Variants in RAPGEF5 observed in about 807,000 individuals in gnomAD.
The protein encoded by RAPGEF5 is M-Ras-regulated GEF.
Under a neutral mutation model 125.2 loss-of-function variants are expected in RAPGEF5, and 65 were observed. That is an observed-to-expected ratio of 0.52 (90% CI 0.43 to 0.64). The LOEUF (loss-of-function observed/expected upper bound fraction) is 0.64, where lower values mean the gene tolerates loss of function less well. Among genes scored for constraint, RAPGEF5 ranks in the 30% least tolerant of loss-of-function variants. The pLI is 0.00. For missense variants in RAPGEF5, 958 were observed against 1,048.1 expected, an observed-to-expected ratio of 0.91 and a Z score of 1.19; for synonymous variants, 391 against 385.9, an observed-to-expected ratio of 1.01 and a Z score of -0.16.
chr7:22,293,591 C>G (rs1490365220), intron 5 of RAPGEF5, among the ~76,000 whole-genome samples: 1 of 152,172 alleles, frequency 6.6e-6, no homozygotes, highest in East Asian at 1.9e-4. Context: ...CAGATCTGGT[C>G]CTGCTCTTCT....
At chr7:22,356,321 AAG>A in intron 1 of RAPGEF5, 1 of 919,044 alleles carries the variant, frequency 1.1e-6, no homozygotes, top group Non-Finnish European at 1.3e-6. Context: ...AAGCTCACCC[AAG>A]AGCTTCCGAC....
intron 11 of RAPGEF5, among the ~76,000 whole-genome samples, chr7:22,175,509 G>A (rs1784475680): frequency 6.6e-6 from 1 of 152,150 alleles, no homozygotes; most frequent in African/African-American, 2.4e-5. Flanking sequence ...TAACTGTACA[G>A]ATTAGAATGT....
intron 6 of RAPGEF5, among the ~76,000 whole-genome samples, chr7:22,282,122 C>A (rs909572012): frequency 6.6e-6 from 1 of 152,170 alleles, no homozygotes; most frequent in Non-Finnish European, 1.5e-5. Flanking sequence ...CCCTCTCCAG[C>A]GGACCTATTT....
At chr7:22,297,061 G>C (rs1441926118) in intron 5 of RAPGEF5, among the ~76,000 whole-genome samples, 1 of 152,192 alleles carries the variant, frequency 6.6e-6, no homozygotes, top group Non-Finnish European at 1.5e-5. Flanking sequence ...GGTAGAGAAA[G>C]TAACCATAAA....
intron 6 of RAPGEF5, among the ~76,000 whole-genome samples, chr7:22,273,742 T>C (rs919654966): frequency 6.6e-6 from 1 of 152,216 alleles, no homozygotes; most frequent in East Asian, 1.9e-4. Flanking sequence ...AAAGATCTGA[T>C]AGTTGAGTAC....
At chr7:22,330,927 A>G (rs1001679549) in intron 1 of RAPGEF5, among the ~76,000 whole-genome samples, 2 of 152,204 alleles carry the variant, frequency 1.3e-5, no homozygotes, top group Non-Finnish European at 2.9e-5. Flanking sequence ...TAAACCGCAT[A>G]TCAATTTTTA....
chr7:22,241,186 T>C (rs1786321453), intron 7 of RAPGEF5, among the ~76,000 whole-genome samples: 1 of 152,258 alleles, frequency 6.6e-6, no homozygotes, highest in Non-Finnish European at 1.5e-5. Flanking sequence ...TGCAGACATC[T>C]ACATTTTAAA....
chr7:22,300,482 T>C (rs976340758), intron 5 of RAPGEF5, among the ~76,000 whole-genome samples: 2 of 152,212 alleles, frequency 1.3e-5, no homozygotes, highest in Non-Finnish European at 1.5e-5. Context: ...ATTTTCCTGA[T>C]TATTTTGTGT....
chr7:22,296,762 A>G (rs1783071967), intron 5 of RAPGEF5, among the ~76,000 whole-genome samples: 1 of 152,184 alleles, frequency 6.6e-6, no homozygotes. Flanking sequence ...ACTGAAACAC[A>G]GTTAATACAA....
chr7:22,220,117 AAAAT>A (rs1240242026), intron 8 of RAPGEF5, 126 bp from the exon 9 acceptor site: 2 of 1,273,732 alleles, frequency 1.6e-6, no homozygotes, highest in Middle Eastern at 3.8e-4. Flanking sequence ...TGGTCTTGGT[AAAAT>A]ATTTTGCCTT....
At chr7:22,285,678 C>T (rs552454060) in intron 6 of RAPGEF5, among the ~76,000 whole-genome samples, 52 of 152,256 alleles carry the variant, frequency 3.4e-4, no homozygotes, top group Admixed American at 7.2e-4. Flanking sequence ...AGATAGAGTA[C>T]TGTGAAAGAT....
intron 6 of RAPGEF5, among the ~76,000 whole-genome samples, chr7:22,279,905 A>G (rs570112713): frequency 1.3e-5 from 2 of 152,170 alleles, no homozygotes; most frequent in African/African-American, 2.4e-5. Flanking sequence ...AGAGAAAGAG[A>G]AAAAAGCTGT....
intron 7 of RAPGEF5, among the ~76,000 whole-genome samples, chr7:22,247,743 AC>A (rs1786515007): frequency 7.1e-6 from 1 of 141,402 alleles, no homozygotes; most frequent in Non-Finnish European, 1.6e-5. Context: ...TTAATGGTGG[AC>A]TGGATAAAAA....
intron 18 of RAPGEF5, among the ~76,000 whole-genome samples, chr7:22,149,323 C>G (rs1349922121): frequency 6.6e-6 from 1 of 152,212 alleles, no homozygotes; most frequent in Non-Finnish European, 1.5e-5. Context: ...GGTTAACCTA[C>G]GTGGTATGCA....
chr7:22,286,288 T>C (rs1460660296), intron 6 of RAPGEF5, among the ~76,000 whole-genome samples: 1 of 152,244 alleles, frequency 6.6e-6, no homozygotes, highest in Non-Finnish European at 1.5e-5. Context: ...ACATGCTCCC[T>C]GTCCCTTTAT....
At chr7:22,193,626 A>C in intron 10 of RAPGEF5, 171 bp from the exon 11 acceptor site, 1 of 1,550,730 alleles carries the variant, frequency 6.4e-7, no homozygotes, top group Non-Finnish European at 8.7e-7. Context: ...TCCTCTCCAA[A>C]TGAGGGTCAA....
At chr7:22,129,238 T>G (rs1261680773) in intron 24 of RAPGEF5, among the ~76,000 whole-genome samples, 2 of 152,160 alleles carry the variant, frequency 1.3e-5, no homozygotes, top group Non-Finnish European at 1.5e-5. Context: ...ATTCACTGGT[T>G]CACTTTAGGG....
Position 22,353,648 on chromosome 7 carries a change from G to A in RAPGEF5, c.231+3182C>T, listed in dbSNP as rs116168804. On this transcript the variant is annotated intron_variant, in intron 1 of 25. Transcript: ENST00000665637. The stretch of plus-strand genomic sequence containing the variant: ...TAAAAAAATTAAAGGGTTTTGTCAG[G>A]AACTCAGGTTGTGCATTACTTTGCT... Among the ~76,000 whole-genome samples, 842 of 152,274 alleles carry A rather than the reference G, an allele frequency of 5.5e-3. 2 individuals carry two copies. Among genetic ancestry groups the A allele is most frequent in the African/African-American group, 0.019 (778 of 41,544 alleles).
At chr7:22,257,172 G>A (rs1456722598) in intron 7 of RAPGEF5, among the ~76,000 whole-genome samples, 1 of 152,152 alleles carries the variant, frequency 6.6e-6, no homozygotes. Flanking sequence ...TAAGATAGTA[G>A]GGTAATCAAT....
Sources: gnomAD v4.1 joint callset for allele counts (sites outside exome capture counted in the v4.1 genomes callset) on GRCh38, gnomAD v4.1.1 for gene constraint, MANE v1.5 for transcripts, NCBI Gene and HGNC (gene_info 2026-07-23, HGNC 2026-07-21) for gene names.